Variants in NPM1 observed in about 807,000 individuals in gnomAD.
NPM1 encodes nucleophosmin 1.
In NPM1, 1 loss-of-function variant was observed where a neutral mutation model predicts 44.1. The ratio of observed to expected loss-of-function variants is 0.02; its 90% CI spans 0.01 to 0.11. The LOEUF is 0.11. Ranked by LOEUF, NPM1 falls within the 10% of genes least tolerant of loss-of-function variation. NPM1 has a pLI of 1.00. For synonymous variants in NPM1, 126 were observed against 111.8 expected, an observed-to-expected ratio of 1.13 and a Z score of -0.80; for missense variants, 197 against 347.8, an observed-to-expected ratio of 0.57 and a Z score of 3.45.
In NPM1 at chr5:171,407,728, A is replaced by G. The variant is rs766808881; in HGVS notation, c.800A>G (p.Lys267Arg). 4 of 1,611,304 alleles carry G rather than the reference A, an allele frequency of 2.5e-6. No homozygotes were observed. The highest frequency in any genetic ancestry group is 8.5e-7 in the Non-Finnish European group (1 of 1,177,622). Residue 267 changes from lysine to arginine, a missense_variant, in exon 10 of 11, where the codon AAA becomes AGA. Physicochemically the swap from Lys to Arg is conservative, Grantham distance 26. Coordinates refer to ENST00000296930, the MANE Select transcript of NPM1 (RefSeq NM_002520.7). ...GGTTCTCTTCCCAAAGTGGAAGCCAAATTCATCAATTATGTGAAGAATTGC... is the reference window on the plus strand; with the variant it reads ...GGTTCTCTTCCCAAAGTGGAAGCCAGATTCATCAATTATGTGAAGAATTGC... ...KGGSLPKVEAKFINYVKNCFR... is the reference protein window; with the variant it reads ...KGGSLPKVEARFINYVKNCFR...
At chr5:171,408,303 G>A (rs564920430) in intron 10 of NPM1, among the ~76,000 whole-genome samples, 1 of 152,128 alleles carries the variant, frequency 6.6e-6, no homozygotes, top group Non-Finnish European at 1.5e-5. Flanking sequence ...GAAAGTCTTA[G>A]TCAACATAAA....
chr5:171,391,938 G>C, intron 4 of NPM1, 139 bp downstream of exon 4: 1 of 429,036 alleles, frequency 2.3e-6, no homozygotes. Flanking sequence ...AATTGGAGAG[G>C]ACAAATAAAT....
rs1476171977 is a variant in NPM1, at chr5:171,391,690, A to C, written c.259-16A>C. 1.0e-5 allele frequency: 16 copies of C among 1,554,218 alleles called. No individual in the cohort carries two copies. The highest frequency in any genetic ancestry group is 1.2e-5 in the Non-Finnish European group (14 of 1,128,082). ...TTTCTTCACATGTTTAGTGATGAAA[A>C]ATTTCTCCCTTCTAGGTTTCCCTTG... is the stretch of plus-strand genomic sequence containing the variant. On this transcript the variant is annotated splice_polypyrimidine_tract_variant and intron_variant, in intron 3 of 10. Transcript: ENST00000296930.
Position 171,410,596 on chromosome 5 carries a change from T to A in NPM1, c.*31T>A. The A allele has an allele frequency of 7.1e-7, 1 of 1,401,574 alleles. No individual in the cohort carries two copies. Among genetic ancestry groups the A allele is most frequent in the Non-Finnish European group, 9.8e-7 (1 of 1,018,574 alleles). The allele number at this position is 1,401,574 out of a possible 1,614,324, so 86.8% of individuals were successfully genotyped here. On this transcript the variant is annotated 3_prime_UTR_variant, in exon 11 of 11. Transcript: ENST00000296930. Reference sequence around the variant, plus strand: ...TAGTTTAAACAATTTGTTAAAAAATTTTCCGTCTTATTTCATTTCTGTAAC... The same window carrying A: ...TAGTTTAAACAATTTGTTAAAAAATATTCCGTCTTATTTCATTTCTGTAAC...
intron 1 of NPM1, 72 bp downstream of exon 1, chr5:171,388,078 G>GGGGGGTGGGGGGGGGGGTGGGGGGGGGC: frequency 1.6e-6 from 1 of 616,750 alleles, no homozygotes; most frequent in African/African-American, 1.9e-5. Context: ...TGAGGGGCGG[G>GGGGGGTGGGGGGGGGGGTGGGGGGGGGC]AATCCGGCTG....
rs151317098 is a variant in NPM1, at chr5:171,406,333, G to A, written c.771+930G>A. On this transcript the variant is annotated intron_variant, in intron 9 of 10. Coordinates refer to ENST00000296930, the MANE Select transcript of NPM1 (RefSeq NM_002520.7). ...TGTCCCTTGGATACAATGCTAAAAT[G>A]ACATCTTTTAGATGCCCCTCCCCTC... is the stretch of plus-strand genomic sequence containing the variant. 359 of 1,427,318 alleles carry A rather than the reference G, an allele frequency of 2.5e-4. 4 individuals carry two copies. The East Asian group carries it at 7.9e-3, about 31-fold the overall frequency. 88.4% of individuals were successfully genotyped at this position (1,427,318 alleles called of 1,614,324 possible). A position where few individuals can be genotyped will look rare whatever the true frequency, so the allele number is the denominator to read the frequency against.
chr5:171,391,524 T>TCTTTATCTTCTGTC, intron 3 of NPM1, 100 bp downstream of exon 3: 2 of 1,447,288 alleles, frequency 1.4e-6, no homozygotes, highest in Non-Finnish European at 1.9e-6. Flanking sequence ...AGAAAGTGGT[T>TCTTTATCTTCTGTC]CTTTATCTTC....
intron 8 of NPM1, among the ~76,000 whole-genome samples, chr5:171,401,196 A>G (rs554393212): frequency 6.6e-6 from 1 of 152,174 alleles, no homozygotes; most frequent in South Asian, 2.1e-4. Flanking sequence ...TGTCTTTACT[A>G]AAAACACAAA....
intron 8 of NPM1, among the ~76,000 whole-genome samples, chr5:171,403,916 C>T (rs1393048072): frequency 1.5e-5 from 1 of 68,706 alleles, no homozygotes; most frequent in Non-Finnish European, 3.1e-5. Flanking sequence ...GGGGGGCTTA[C>T]CCCCCCACCT....
chr5:171,389,619 C>G (rs1351741317), intron 1 of NPM1, among the ~76,000 whole-genome samples: 1 of 152,084 alleles, frequency 6.6e-6, no homozygotes, highest in African/African-American at 2.4e-5. Flanking sequence ...TGTCATTTTT[C>G]TTTTGTAATA....
At chr5:171,402,401 TGGTG>T (rs1371824609) in intron 8 of NPM1, among the ~76,000 whole-genome samples, 2 of 150,732 alleles carry the variant, frequency 1.3e-5, no homozygotes, top group African/African-American at 2.4e-5. Context: ...TACACACTCT[TGGTG>T]GGAGTGTAAA....
chr5:171,405,710 GT>G, intron 9 of NPM1: 2 of 308,052 alleles, frequency 6.5e-6, no homozygotes, highest in Non-Finnish European at 1.2e-5. Flanking sequence ...GCCTATTCTG[GT>G]TGTAAGATAT....
chr5:171,391,568 TGGG>T (rs1474128510), intron 3 of NPM1, 135 bp from the exon 4 acceptor site: 1 of 1,175,232 alleles, frequency 8.5e-7, no homozygotes, highest in East Asian at 2.3e-5. Flanking sequence ...CTCTTGAACA[TGGG>T]GGCTTCTGCT....
At chr5:171,394,960 C>T (rs938241041) in intron 6 of NPM1, among the ~76,000 whole-genome samples, 1 of 152,078 alleles carries the variant, frequency 6.6e-6, no homozygotes, top group African/African-American at 2.4e-5. Context: ...GGGTGGATCA[C>T]TTGAGGTCAG....
At chr5:171,410,125 A>G (rs1771751651) in intron 10 of NPM1, among the ~76,000 whole-genome samples, 1 of 152,236 alleles carries the variant, frequency 6.6e-6, no homozygotes, top group Non-Finnish European at 1.5e-5. Context: ...AAATGTACAC[A>G]TGCCCAGGCA....
At chr5:171,391,846 G>A (rs1296520850) in intron 4 of NPM1, 47 bp downstream of exon 4, 1 of 1,193,450 alleles carries the variant, frequency 8.4e-7, no homozygotes, top group South Asian at 1.2e-5. Context: ...CCTCTTTAGT[G>A]CAGTTGCTTG....
In NPM1 at chr5:171,392,949, C is replaced by G. The variant is rs146936311; in HGVS notation, c.495C>G (p.Asp165Glu). 3.1e-6 allele frequency: 5 copies of G among 1,607,566 alleles called. No individual in the cohort carries two copies. The highest frequency in any genetic ancestry group is 4.3e-6 in the Non-Finnish European group (5 of 1,174,642). The stretch of plus-strand genomic sequence containing the variant: ...AACTTGCTGCTGATGAAGATGATGA[C>G]GATGATGATGAAGAGGATGATGATG... ...KVKLAADEDD[D>E]DDDEEDDDED... is the part of the protein sequence containing the mutation. The change falls in exon 6 of 11, where the codon GAC becomes GAG. Residue 165 changes from aspartate (D) to glutamate (E), a missense_variant. Around this residue, in one of 5 missense-constraint regions of NPM1, gnomAD observed 91 missense variants for 94.0 expected, o/e 0.97. Coordinates refer to ENST00000296930, the MANE Select transcript of NPM1 (RefSeq NM_002520.7).
chr5:171,394,556 A>G (rs1234830257), intron 6 of NPM1, among the ~76,000 whole-genome samples: 2 of 152,074 alleles, frequency 1.3e-5, no homozygotes, highest in Non-Finnish European at 2.9e-5. Context: ...CCCCTCTCAG[A>G]CTATGAAGCA....
At position 171,393,076 on chromosome 5, in the gene NPM1, A is replaced by G. The variant is rs959664006; in HGVS notation, c.524+98A>G. 4.8e-6 allele frequency: 7 copies of G among 1,446,240 alleles called. No homozygotes were observed. In the African/African-American group the frequency reaches 8.6e-5, roughly 18 times the overall value. 89.6% of individuals were successfully genotyped at this position (1,446,240 alleles called of 1,614,324 possible). ...CATGAGGGTTTTATAAAAGTCATTT[A>G]CAAAAAGCCATCCTATGTAATAGTT... On this transcript the variant is annotated intron_variant, in intron 6 of 10. Coordinates refer to ENST00000296930, the MANE Select transcript of NPM1 (RefSeq NM_002520.7).
Sources: allele counts gnomAD v4.1 joint callset (sites outside exome capture counted in the v4.1 genomes callset), GRCh38; gene constraint gnomAD v4.1.1; regional missense constraint gnomAD v4.1.1; transcripts MANE v1.5; gene names NCBI Gene and HGNC (gene_info 2026-07-23, HGNC 2026-07-21).